LRRC56: variants seen among roughly 807,000 people sequenced by gnomAD.
LRRC56 encodes the protein leucine-rich repeat-containing protein 56.
In LRRC56, 41 loss-of-function variants were observed where a neutral mutation model predicts 47.8. The observed-to-expected ratio is 0.86, with a 90% CI of 0.67 to 1.11. LRRC56 has a LOEUF of 1.11. Ranked by LOEUF, LRRC56 falls within the 50% of genes most tolerant of loss-of-function variation. LRRC56 has a pLI of 0.00. For synonymous variants in LRRC56, 387 were observed against 311.2 expected (o/e 1.24, Z -2.56); for missense variants, 759 against 704.2 (o/e 1.08, Z -0.88).
the LRRC56 span, among the ~76,000 whole-genome samples, chr11:530,463 G>A: frequency 7.2e-6 from 1 of 138,742 alleles, no homozygotes; most frequent in Non-Finnish European, 1.6e-5. Context: ...GGCGTCCCCT[G>A]GAGAGAAGGG....
rs1852474744 is a variant in LRRC56 at position 552,670 on chromosome 11, A to G, written c.1283A>G (p.Lys428Arg). 1 of 1,610,950 alleles carries G rather than the reference A, an allele frequency of 6.2e-7. No homozygotes were observed. Reference sequence around the variant, plus strand: ...GAGCAAGTGCACCAGGCAGAGCCCAAGACTCCCTCCAGCCCCCCAAGCCTG... The same window carrying G: ...GAGCAAGTGCACCAGGCAGAGCCCAGGACTCCCTCCAGCCCCCCAAGCCTG... ...PEEQVHQAEP[K>R]TPSSPPSLAS... is the part of the protein sequence containing the mutation. Residue 428 changes from lysine to arginine, a missense_variant, in exon 13 of 14, where the codon AAG (lysine) becomes AGG (arginine). Coordinates refer to ENST00000270115, the MANE Select transcript of LRRC56 (RefSeq NM_198075.4).
chr11:550,332 C>T, intron 8 of LRRC56, 60 bp downstream of exon 8: 3 of 1,447,046 alleles, frequency 2.1e-6, no homozygotes, highest in East Asian at 2.5e-5. Flanking sequence ...CCTGTGGCTC[C>T]AGCCCCGGGG....
chr11:511,895 G>A, the LRRC56 span, among the ~76,000 whole-genome samples: 1 of 152,296 alleles, frequency 6.6e-6, no homozygotes, highest in South Asian at 2.1e-4. Flanking sequence ...CAGCTGTGCA[G>A]CGGCAGAGCA....
At position 554,070 on chromosome 11, in the gene LRRC56, A is replaced by AG; in HGVS notation, c.1428dup (p.Arg477AlafsTer15). 6.2e-7 allele frequency: 1 copy of AG among 1,610,006 alleles called. No homozygotes were observed. ...GCGGTGGTCGACAGACCTGCAGTCC[A>AG]GGGGGCGTCGGCTCCGAGTCCTGGG... On this transcript the variant is annotated frameshift_variant, in exon 14 of 14. Transcript: ENST00000270115. LOFTEE classifies it low-confidence loss of function (END_TRUNC).
At chr11:508,036 C>T in the LRRC56 span, among the ~76,000 whole-genome samples, 2 of 152,222 alleles carry the variant, frequency 1.3e-5, no homozygotes. Flanking sequence ...AGTGGGTTTT[C>T]TTTAAGTTTT....
intron 13 of LRRC56, among the ~76,000 whole-genome samples, chr11:553,536 G>A (rs1036439190): frequency 6.6e-6 from 1 of 152,196 alleles, no homozygotes; most frequent in Non-Finnish European, 1.5e-5. Flanking sequence ...TGGCCTCAGG[G>A]CAGGGTCAGG....
the LRRC56 span, among the ~76,000 whole-genome samples, chr11:531,203 G>A: frequency 2.6e-5 from 4 of 151,898 alleles, no homozygotes; most frequent in East Asian, 5.8e-4. Flanking sequence ...AGAGAAGGGC[G>A]AGTGTGGTAT....
At chr11:545,345 G>A (rs72841224) in intron 6 of LRRC56, among the ~76,000 whole-genome samples, 21,213 of 152,240 alleles carry the variant, frequency 0.14, 2,085 homozygotes, top group African/African-American at 0.28. Context: ...TCTGGCCCCC[G>A]CACGGCTCAT....
chr11:517,002 G>T, the LRRC56 span, among the ~76,000 whole-genome samples: 1 of 152,096 alleles, frequency 6.6e-6, no homozygotes, highest in Non-Finnish European at 1.5e-5. Context: ...GGCATGCACC[G>T]CCACGCCTGA....
chr11:533,323 G>T (rs905746081), upstream of LRRC56: 24 of 1,603,822 alleles, frequency 1.5e-5, no homozygotes, highest in Non-Finnish European at 2.0e-5. Flanking sequence ...GGTCCCAGAG[G>T]GTCCCGGAGC....
chr11:509,086 TCA>T, the LRRC56 span, among the ~76,000 whole-genome samples: 10 of 150,212 alleles, frequency 6.7e-5, no homozygotes, highest in East Asian at 1.9e-4. Flanking sequence ...AGAAGGTGGT[TCA>T]CACACACACA....
At chr11:535,779 C>T (rs572107308), upstream of LRRC56, among the ~76,000 whole-genome samples, 2 of 152,050 alleles carry the variant, frequency 1.3e-5, no homozygotes, top group African/African-American at 4.8e-5. Context: ...AGACCGGAGC[C>T]GAGCTCGGGG....
At chr11:517,643 T>C in the LRRC56 span, among the ~76,000 whole-genome samples, 1 of 152,016 alleles carries the variant, frequency 6.6e-6, no homozygotes, top group Admixed American at 6.6e-5. Flanking sequence ...GGCCGCCCCG[T>C]CTGGGAAGTG....
intron 4 of LRRC56, 59 bp downstream of exon 4, chr11:540,920 G>A: frequency 7.5e-7 from 1 of 1,338,190 alleles, no homozygotes; most frequent in East Asian, 2.6e-5. Flanking sequence ...ACATCCCAGG[G>A]CTCCTTCCTG....
At chr11:524,755 C>T in the LRRC56 span, among the ~76,000 whole-genome samples, 1 of 152,154 alleles carries the variant, frequency 6.6e-6, no homozygotes, top group African/African-American at 2.4e-5. Context: ...AACGTCATAA[C>T]TTAGACCTAT....
At chr11:532,887 CCACA>C (rs1851193401), upstream of LRRC56, 1 of 881,604 alleles carries the variant, frequency 1.1e-6, no homozygotes, top group Non-Finnish European at 1.8e-6. Flanking sequence ...CCCAGGCCCA[CCACA>C]CACACGGGAA....
upstream of LRRC56, chr11:533,471 G>A (rs2133986364): frequency 1.2e-6 from 2 of 1,613,506 alleles, no homozygotes; most frequent in Non-Finnish European, 8.5e-7. Context: ...TCTTGGCCGA[G>A]GTCTCGATGT....
chr11:531,381 G>A, the LRRC56 span, among the ~76,000 whole-genome samples: 31 of 152,300 alleles, frequency 2.0e-4, no homozygotes, highest in South Asian at 6.2e-3. Flanking sequence ...GGGGCACCAG[G>A]GGCGCTGTGG....
At chr11:532,920 C>T (rs527831631), upstream of LRRC56, among the ~76,000 whole-genome samples, 7 of 152,192 alleles carry the variant, frequency 4.6e-5, no homozygotes, top group African/African-American at 9.7e-5. Context: ...CTGGCCATCT[C>T]GAAGTGCCCA....
Sources: gnomAD v4.1 joint callset for allele counts (sites outside exome capture counted in the v4.1 genomes callset) on GRCh38, gnomAD v4.1.1 for gene constraint, MANE v1.5 for transcripts, NCBI Gene and HGNC (gene_info 2026-07-23, HGNC 2026-07-21) for gene names.